Variants in PIK3C2G observed in about 807,000 individuals in gnomAD.
PIK3C2G encodes the protein phosphatidylinositol 3-kinase C2 domain-containing subunit gamma.
PIK3C2G carries 168 observed loss-of-function variants against 181.1 expected under a neutral mutation model. The observed-to-expected ratio is 0.93, with a 90% CI of 0.82 to 1.05. PIK3C2G has a LOEUF of 1.05. Among genes scored for constraint, PIK3C2G ranks in the 50% least tolerant of loss-of-function variants. PIK3C2G has a pLI of 0.00. For synonymous variants in PIK3C2G, 573 were observed against 592.2 expected (o/e 0.97, Z 0.47); for missense variants, 1,869 against 1,732.8 (o/e 1.08, Z -1.40).
chr12:18,600,925 A>G (rs941833772), intron 30 of PIK3C2G, among the ~76,000 whole-genome samples: 45 of 152,148 alleles, frequency 3.0e-4, no homozygotes, highest in African/African-American at 9.9e-4. Context: ...CAGAGCAGAG[A>G]AAAAGAAAGA....
At chr12:18,469,839 C>T (rs1029126935) in intron 18 of PIK3C2G, among the ~76,000 whole-genome samples, 6 of 149,900 alleles carry the variant, frequency 4.0e-5, no homozygotes, top group African/African-American at 1.5e-4. Flanking sequence ...TCAGCACCCT[C>T]TTATTACCTA....
At chr12:18,723,511 G>A in the PIK3C2G span, 1 of 1,612,444 alleles carries the variant, frequency 6.2e-7, no homozygotes, top group Non-Finnish European at 8.5e-7. Context: ...TTCTTCTATG[G>A]TGATTCTTCC....
At chr12:18,484,777 G>A (rs1026372409) in intron 18 of PIK3C2G, among the ~76,000 whole-genome samples, 1 of 152,130 alleles carries the variant, frequency 6.6e-6, no homozygotes, top group African/African-American at 2.4e-5. Flanking sequence ...AAATAGGCAT[G>A]CTTTTCATTT....
At chr12:18,293,235 A>G (rs1949789273) in intron 4 of PIK3C2G, among the ~76,000 whole-genome samples, 1 of 152,156 alleles carries the variant, frequency 6.6e-6, no homozygotes, top group South Asian at 2.1e-4. Context: ...CTGTGCTATT[A>G]TAAATCCTAT....
Position 18,500,467 on chromosome 12 carries a change from G to C in PIK3C2G, c.3016+2719G>C, listed in dbSNP as rs541471060. Among the ~76,000 whole-genome samples, 9 of 152,268 alleles carry C rather than the reference G, an allele frequency of 5.9e-5. No individual in the cohort carries two copies. The South Asian group carries it at 1.9e-3, about 31-fold the overall frequency. Reference sequence around the variant, plus strand: ...TCCTGTGCAGCCGAGCCTCCCCTACGAGCGCGGCCCCCTGCTCCACGGCGC... The same window carrying C: ...TCCTGTGCAGCCGAGCCTCCCCTACCAGCGCGGCCCCCTGCTCCACGGCGC... On this transcript the variant is annotated intron_variant, in intron 22 of 32. Coordinates refer to ENST00000538779, the MANE Select transcript of PIK3C2G (RefSeq NM_001288772.2).
intron 12 of PIK3C2G, among the ~76,000 whole-genome samples, chr12:18,363,837 T>C (rs1168260875): frequency 6.6e-6 from 1 of 152,174 alleles, no homozygotes; most frequent in Non-Finnish European, 1.5e-5. Flanking sequence ...GCATGTGACC[T>C]TCAATTCTCG....
chr12:18,573,229 C>T (rs1946061212), intron 29 of PIK3C2G, among the ~76,000 whole-genome samples: 1 of 152,136 alleles, frequency 6.6e-6, no homozygotes, highest in Admixed American at 6.5e-5. Flanking sequence ...AATATAGGGA[C>T]ATTAGCAATC....
At chr12:18,295,555 A>G (rs1591855547) in intron 5 of PIK3C2G, among the ~76,000 whole-genome samples, 1 of 152,170 alleles carries the variant, frequency 6.6e-6, no homozygotes, top group East Asian at 1.9e-4. Flanking sequence ...TCATTGTTTT[A>G]AATAGGTAAA....
At chr12:18,390,797 T>A (rs529796290) in intron 14 of PIK3C2G, among the ~76,000 whole-genome samples, 18 of 152,238 alleles carry the variant, frequency 1.2e-4, no homozygotes, top group South Asian at 1.0e-3. Flanking sequence ...AAAAAGGATA[T>A]AATGTTAGCA....
In PIK3C2G at chr12:18,563,504, G is replaced by A. The variant is rs755641792; in HGVS notation, c.3902+6G>A. 34 of 1,613,138 alleles carry A rather than the reference G, an allele frequency of 2.1e-5. No homozygotes were observed. Among genetic ancestry groups the A allele is most frequent in the Non-Finnish European group, 2.6e-5 (31 of 1,179,572 alleles). On this transcript the variant is annotated splice_donor_region_variant and intron_variant, in intron 28 of 32. Transcript: ENST00000538779. ...GCATCACTGACTCTCCCAGAGTAAG[G>A]CACTGTCCTTTTACATTGTTTTGCC...
intron 16 of PIK3C2G, among the ~76,000 whole-genome samples, chr12:18,410,528 A>C (rs954364109): frequency 1.3e-5 from 2 of 150,866 alleles, no homozygotes; most frequent in Non-Finnish European, 2.9e-5. Flanking sequence ...AAAAAAAAAA[A>C]GATTATTTTT....
chr12:18,381,758 T>G lies in PIK3C2G; in HGVS notation c.1881-8T>G. ...CCTGTCTGTGTGTGTGTGTGTTGTCTTTTGCAGAAAATCCATTCTCGGGTC... is the reference window on the plus strand; with the variant it reads ...CCTGTCTGTGTGTGTGTGTGTTGTCGTTTGCAGAAAATCCATTCTCGGGTC... On this transcript the variant is annotated splice_polypyrimidine_tract_variant and splice_region_variant and intron_variant, in intron 13 of 32. Transcript: ENST00000538779. 6.5e-6 allele frequency: 10 copies of G among 1,546,420 alleles called. No individual in the cohort carries two copies. The highest frequency in any genetic ancestry group is 8.9e-6 in the Non-Finnish European group (10 of 1,118,466).
intron 18 of PIK3C2G, among the ~76,000 whole-genome samples, chr12:18,460,852 TCTCA>T (rs1364341708): frequency 4.6e-5 from 7 of 151,976 alleles, no homozygotes; most frequent in Non-Finnish European, 7.4e-5. Flanking sequence ...ATCCCAGATC[TCTCA>T]CTCATTATTT....
intron 22 of PIK3C2G, among the ~76,000 whole-genome samples, chr12:18,500,916 G>A (rs892134589): frequency 3.3e-5 from 5 of 151,940 alleles, no homozygotes; most frequent in Non-Finnish European, 5.9e-5. Context: ...TGAAACCAGC[G>A]GGACCACGAA....
At chr12:18,420,617 A>G (rs1192235492) in intron 16 of PIK3C2G, among the ~76,000 whole-genome samples, 1 of 152,148 alleles carries the variant, frequency 6.6e-6, no homozygotes, top group African/African-American at 2.4e-5. Flanking sequence ...TTGGCTAAAT[A>G]AGAAGCAAAG....
chr12:18,600,877 C>T (rs1454814980), intron 30 of PIK3C2G, among the ~76,000 whole-genome samples: 3 of 152,054 alleles, frequency 2.0e-5, no homozygotes, highest in South Asian at 2.1e-4. Context: ...CTACCAAACT[C>T]CTTAAAAGCA....
At chr12:18,485,574 C>T (rs1480086575) in intron 18 of PIK3C2G, among the ~76,000 whole-genome samples, 6 of 152,126 alleles carry the variant, frequency 3.9e-5, no homozygotes, top group Non-Finnish European at 7.4e-5. Flanking sequence ...TCATAACTTA[C>T]ACTTTATAAA....
chr12:18,351,643 C>T (rs1940224980), intron 11 of PIK3C2G, among the ~76,000 whole-genome samples: 1 of 152,128 alleles, frequency 6.6e-6, no homozygotes, highest in African/African-American at 2.4e-5. Context: ...TGCCAGGACC[C>T]CTGGAGATAA....
intron 3 of PIK3C2G, among the ~76,000 whole-genome samples, chr12:18,287,486 G>C (rs1949497581): frequency 6.6e-6 from 1 of 152,112 alleles, no homozygotes; most frequent in Non-Finnish European, 1.5e-5. Flanking sequence ...CTTCTTTAAG[G>C]CAAATTTCAT....
Sources: allele counts gnomAD v4.1 joint callset (sites outside exome capture counted in the v4.1 genomes callset), GRCh38; gene constraint gnomAD v4.1.1; transcripts MANE v1.5; gene names NCBI Gene and HGNC (gene_info 2026-07-23, HGNC 2026-07-21).